RAB31: variants seen among roughly 807,000 people sequenced by gnomAD.
RAB31 encodes the protein RAB31, member RAS oncogene family, also known as ras-related protein Rab-31.
Under a neutral mutation model 25.6 loss-of-function variants are expected in RAB31, and 21 were observed. The observed-to-expected ratio is 0.82, with a 90% confidence interval of 0.58 to 1.18. The LOEUF is 1.18. RAB31 is among the 50% of genes most tolerant of loss of function. The pLI is 0.00. For missense variants in RAB31, 196 were observed against 250.1 expected (o/e 0.78, Z 1.46); for synonymous variants, 87 against 84.0 (o/e 1.04, Z -0.20).
chr18:9,820,783 C>T (rs1322352747), intron 5 of RAB31, among the ~76,000 whole-genome samples: 1 of 151,992 alleles, frequency 6.6e-6, no homozygotes. Flanking sequence ...TGAAACTTCT[C>T]TCTTTTTTTC....
At chr18:9,733,233 C>T (rs749619555) in intron 1 of RAB31, among the ~76,000 whole-genome samples, 7 of 152,136 alleles carry the variant, frequency 4.6e-5, no homozygotes, top group Non-Finnish European at 1.0e-4. Context: ...ATAAATTGAG[C>T]TTAACATGCA....
At chr18:9,771,921 A>C (rs988256679) in intron 1 of RAB31, among the ~76,000 whole-genome samples, 1 of 152,254 alleles carries the variant, frequency 6.6e-6, no homozygotes, top group Non-Finnish European at 1.5e-5. Context: ...ATAAAGAGAC[A>C]GTGACTTTGT....
At chr18:9,759,559 T>C (rs2068277219) in intron 1 of RAB31, among the ~76,000 whole-genome samples, 2 of 147,318 alleles carry the variant, frequency 1.4e-5, no homozygotes, top group Admixed American at 1.4e-4. Context: ...AATTACCTGC[T>C]CACAAAGGTT....
At position 9,766,441 on chromosome 18, in the gene RAB31, G is replaced by A. The variant is rs2068316739; in HGVS notation, c.40-8837G>A. On this transcript the variant is annotated intron_variant, in intron 1 of 6. Transcript: ENST00000578921. The surrounding 1 kb of genome is among the most constrained non-coding windows in gnomAD (Gnocchi z 4.3). The stretch of plus-strand genomic sequence containing the variant: ...TGGCAGGCGGGGTGGGCTGAGGCGG[G>A]CGGGTGGGGTGTGTATGCTGGTGTC... 1.3e-5 allele frequency among the ~76,000 whole-genome samples: 2 copies of A among 152,320 alleles called. No individual in the cohort carries two copies. The highest frequency in any genetic ancestry group is 6.5e-5 in the Admixed American group (1 of 15,310).
chr18:9,766,577 A>G lies in RAB31; in HGVS notation c.40-8701A>G, dbSNP rs758332472. On this transcript the variant is annotated intron_variant, in intron 1 of 6. Coordinates refer to ENST00000578921, the MANE Select transcript of RAB31 (RefSeq NM_006868.4). This position sits in a 1 kb window ranked among gnomAD's most constrained non-coding sequence, Gnocchi z 4.3. ...GTTTCTCTCTTTATGTTATTTCTTTATGCCCACAAGGTCTGCTGCCCTGTA... is the reference window on the plus strand; with the variant it reads ...GTTTCTCTCTTTATGTTATTTCTTTGTGCCCACAAGGTCTGCTGCCCTGTA... Among the ~76,000 whole-genome samples the G allele has an allele frequency of 6.6e-6, 1 of 152,084 alleles. No individual in the cohort carries two copies. Among genetic ancestry groups the G allele is most frequent in the African/African-American group, 2.4e-5 (1 of 41,402 alleles).
intron 1 of RAB31, among the ~76,000 whole-genome samples, chr18:9,716,694 C>T (rs147706863): frequency 0.011 from 1,687 of 152,174 alleles, 14 homozygotes; most frequent in Non-Finnish European, 0.018. Context: ...CCTGAGGAGC[C>T]AGAGTGGTCT....
At chr18:9,851,871 T>C (rs148103079) in intron 6 of RAB31, among the ~76,000 whole-genome samples, 2 of 152,058 alleles carry the variant, frequency 1.3e-5, no homozygotes, top group African/African-American at 4.8e-5. Context: ...TATTTCATAA[T>C]CTATTTCAAT....
Position 9,708,313 on chromosome 18 carries a change from A to C in RAB31, c.-93A>C. ...GGCGGTTCCGCCCGCGGGCGGCGCG[A>C]GCGAGGGGCAGAGGCGAGAGACGCC... On this transcript the variant is annotated 5_prime_UTR_variant, in exon 1 of 7. Coordinates refer to ENST00000578921, the MANE Select transcript of RAB31 (RefSeq NM_006868.4). This position sits in a 1 kb window ranked among gnomAD's most constrained non-coding sequence, Gnocchi z 6.4. 8.7e-6 allele frequency: 8 copies of C among 919,342 alleles called. No individual in the cohort carries two copies. The highest frequency in any genetic ancestry group is 4.5e-5 in the Admixed American group (1 of 22,042). 56.9% of individuals were successfully genotyped at this position (919,342 alleles called of 1,614,324 possible). A position where few individuals can be genotyped will look rare whatever the true frequency, so the allele number is the denominator to read the frequency against.
At chr18:9,734,097 C>T (rs1338315935) in intron 1 of RAB31, among the ~76,000 whole-genome samples, 6 of 3,892 alleles carry the variant, frequency 1.5e-3, no homozygotes, top group African/African-American at 4.3e-3. Flanking sequence ...GGCAGGGTGG[C>T]GGGGAGGAGG....
intron 3 of RAB31, among the ~76,000 whole-genome samples, chr18:9,811,188 A>G (rs2068568663): frequency 6.6e-6 from 1 of 152,212 alleles, no homozygotes; most frequent in Non-Finnish European, 1.5e-5. Flanking sequence ...CGGCCACCGC[A>G]CAGTTCAGCT....
At chr18:9,791,780 AT>A (rs1338177453) in intron 2 of RAB31, among the ~76,000 whole-genome samples, 2 of 151,866 alleles carry the variant, frequency 1.3e-5, no homozygotes, top group Non-Finnish European at 2.9e-5. Flanking sequence ...AATTTTTTGT[AT>A]TTTTAGTAGA....
chr18:9,792,800 CT>C (rs1228916675), intron 3 of RAB31, among the ~76,000 whole-genome samples: 1 of 152,098 alleles, frequency 6.6e-6, no homozygotes, highest in Non-Finnish European at 1.5e-5. Context: ...GAGGCAAGGG[CT>C]GGTGTCAGCC....
chr18:9,854,672 C>G (rs1366869225), intron 6 of RAB31, among the ~76,000 whole-genome samples: 3 of 152,154 alleles, frequency 2.0e-5, no homozygotes, highest in African/African-American at 7.2e-5. Context: ...ATATTGTCTT[C>G]TTTATGGCAG....
intron 1 of RAB31, among the ~76,000 whole-genome samples, chr18:9,749,365 G>GAGGGAA (rs1568169060): frequency 3.8e-5 from 2 of 52,666 alleles, no homozygotes; most frequent in East Asian, 6.5e-4. Context: ...AACAGAGGGA[G>GAGGGAA]CGGAGGGAAC....
intron 3 of RAB31, among the ~76,000 whole-genome samples, chr18:9,810,745 G>A (rs749572670): frequency 2.0e-5 from 3 of 152,140 alleles, no homozygotes; most frequent in African/African-American, 4.8e-5. Context: ...GAAGACACCC[G>A]CAGTTTGCTC....
At chr18:9,737,513 A>T (rs139001590) in intron 1 of RAB31, among the ~76,000 whole-genome samples, 2 of 152,320 alleles carry the variant, frequency 1.3e-5, no homozygotes, top group East Asian at 3.9e-4. Flanking sequence ...TGTTTTCCAT[A>T]CACTGCTTGG....
At chr18:9,819,633 T>C (rs758144214) in intron 5 of RAB31, among the ~76,000 whole-genome samples, 14 of 152,136 alleles carry the variant, frequency 9.2e-5, no homozygotes, top group Non-Finnish European at 1.9e-4. Flanking sequence ...ACAGAAATTG[T>C]GTTGAATCTT....
intron 1 of RAB31, among the ~76,000 whole-genome samples, chr18:9,763,999 A>G (rs1054545736): frequency 1.3e-5 from 2 of 152,186 alleles, no homozygotes; most frequent in African/African-American, 4.8e-5. Context: ...TTTCCTATGG[A>G]AACAATGTTG....
intron 5 of RAB31, among the ~76,000 whole-genome samples, chr18:9,833,411 G>A (rs534924320): frequency 1.3e-5 from 2 of 152,162 alleles, no homozygotes; most frequent in African/African-American, 4.8e-5. Context: ...GAGGGTTTGG[G>A]TCCAGAGTAC....
Sources: allele counts gnomAD v4.1 joint callset (sites outside exome capture counted in the v4.1 genomes callset), GRCh38; gene constraint gnomAD v4.1.1; non-coding constraint Gnocchi (gnomAD v3.1); transcripts MANE v1.5; gene names NCBI Gene and HGNC (gene_info 2026-07-23, HGNC 2026-07-21).